TNFSF4: variants seen among roughly 807,000 people sequenced by gnomAD.
TNFSF4 encodes the protein TNF superfamily member 4, also known as tumor necrosis factor ligand superfamily member 4.
In TNFSF4, 4 loss-of-function variants were observed where a neutral mutation model predicts 7.3. The observed-to-expected ratio is 0.55, with a 90% confidence interval of 0.27 to 1.25. The LOEUF is 1.25. Among genes scored for constraint, TNFSF4 ranks in the 50% most tolerant of loss-of-function variants. The pLI, the probability that TNFSF4 is intolerant of heterozygous loss-of-function variation, is 0.12. For synonymous variants in TNFSF4, 76 were observed against 83.7 expected (o/e 0.91, Z 0.50); for missense variants, 181 against 208.8 (o/e 0.87, Z 0.82).
At chr1:173,369,547 G>GA in the TNFSF4 span, among the ~76,000 whole-genome samples, 5 of 151,524 alleles carry the variant, frequency 3.3e-5, no homozygotes, top group South Asian at 2.1e-4. Context: ...TGGGTGGGAG[G>GA]AAAAAAAACA....
chr1:173,181,211 T>C (rs11807031), downstream of TNFSF4, among the ~76,000 whole-genome samples: 27,909 of 152,166 alleles, frequency 0.18, 2,732 homozygotes, highest in Middle Eastern at 0.26. Flanking sequence ...TGAAATGACC[T>C]TTAGAGATTA....
intron 1 of TNFSF4, among the ~76,000 whole-genome samples, chr1:173,205,933 T>C (rs1463379119): frequency 6.6e-6 from 1 of 152,228 alleles, no homozygotes; most frequent in Non-Finnish European, 1.5e-5. Context: ...AAGCACTGTC[T>C]GTGGTACAGT....
In TNFSF4 at chr1:173,186,869, G is replaced by T. The variant is rs372347723; in HGVS notation, c.203-4C>A. 6.5e-7 allele frequency: 1 copy of T among 1,549,088 alleles called. No individual in the cohort carries two copies. Among genetic ancestry groups the T allele is most frequent in the South Asian group, 1.2e-5 (1 of 80,934 alleles). ...AAACCTTTCTCCTTCTTATATTCTAGGGAGGATAGGGGAAAATTTGTTTAA... is the reference window on the plus strand; with the variant it reads ...AAACCTTTCTCCTTCTTATATTCTATGGAGGATAGGGGAAAATTTGTTTAA... On this transcript the variant is annotated splice_polypyrimidine_tract_variant and splice_region_variant and intron_variant, in intron 2 of 2. Transcript: ENST00000281834.
At chr1:173,326,923 G>A in the TNFSF4 span, among the ~76,000 whole-genome samples, 7,490 of 152,228 alleles carry the variant, frequency 0.049, 590 homozygotes, top group African/African-American at 0.17. Context: ...AATCAGTATC[G>A]TGAAAATGGC....
the TNFSF4 span, among the ~76,000 whole-genome samples, chr1:173,358,468 A>G: frequency 6.6e-6 from 1 of 152,250 alleles, no homozygotes; most frequent in Non-Finnish European, 1.5e-5. Flanking sequence ...TGCTGCTGGG[A>G]GTATAAGTTA....
chr1:173,194,557 A>G (rs1458452907), intron 1 of TNFSF4, among the ~76,000 whole-genome samples: 1 of 152,118 alleles, frequency 6.6e-6, no homozygotes, highest in African/African-American at 2.4e-5. Context: ...TAGTTGGAAG[A>G]AAAGTCTAGA....
At chr1:173,272,232 A>C in the TNFSF4 span, among the ~76,000 whole-genome samples, 3 of 152,078 alleles carry the variant, frequency 2.0e-5, no homozygotes, top group Non-Finnish European at 4.4e-5. Flanking sequence ...ATTAGGAGAA[A>C]TACCTAATGT....
upstream of TNFSF4, among the ~76,000 whole-genome samples, chr1:173,212,136 T>C (rs1017844728): frequency 6.6e-6 from 1 of 152,062 alleles, no homozygotes; most frequent in Non-Finnish European, 1.5e-5. Flanking sequence ...AGGCTCTCTT[T>C]AACAACCAGC....
chr1:173,234,640 T>C, the TNFSF4 span, among the ~76,000 whole-genome samples: 4 of 152,212 alleles, frequency 2.6e-5, no homozygotes, highest in African/African-American at 7.2e-5. Flanking sequence ...TTAGTGTCCT[T>C]TGTAGGACAT....
At chr1:173,268,413 A>G in the TNFSF4 span, among the ~76,000 whole-genome samples, 1 of 152,144 alleles carries the variant, frequency 6.6e-6, no homozygotes, top group African/African-American at 2.4e-5. Context: ...TGAAATGGAA[A>G]TAGGGTTTCT....
At chr1:173,419,986 C>G in the TNFSF4 span, among the ~76,000 whole-genome samples, 2 of 152,090 alleles carry the variant, frequency 1.3e-5, no homozygotes, top group Non-Finnish European at 2.9e-5. Flanking sequence ...CACCTTTCCC[C>G]CGATTTTTAC....
chr1:173,251,384 C>T, the TNFSF4 span, among the ~76,000 whole-genome samples: 1 of 152,184 alleles, frequency 6.6e-6, no homozygotes, highest in Non-Finnish European at 1.5e-5. Context: ...TTGAATTAAT[C>T]TTTGAGCCCC....
chr1:173,335,063 AC>A, the TNFSF4 span, among the ~76,000 whole-genome samples: 1 of 152,152 alleles, frequency 6.6e-6, no homozygotes, highest in African/African-American at 2.4e-5. Flanking sequence ...ATTTATTGAT[AC>A]TAGCTCACTA....
chr1:173,248,488 G>GA, the TNFSF4 span, among the ~76,000 whole-genome samples: 3 of 147,532 alleles, frequency 2.0e-5, no homozygotes, highest in South Asian at 2.2e-4. Context: ...AGGAAGGAAG[G>GA]AAGGAAAGAA....
At chr1:173,446,117 T>C in the TNFSF4 span, among the ~76,000 whole-genome samples, 1 of 151,690 alleles carries the variant, frequency 6.6e-6, no homozygotes, top group Non-Finnish European at 1.5e-5. Context: ...GTACAGTCAA[T>C]AAATGCTACC....
chr1:173,242,886 G>A, the TNFSF4 span, among the ~76,000 whole-genome samples: 4 of 151,640 alleles, frequency 2.6e-5, no homozygotes, highest in Non-Finnish European at 5.9e-5. Flanking sequence ...ATAAATGTTT[G>A]TTGTTTAAAG....
At chr1:173,409,372 A>G in the TNFSF4 span, among the ~76,000 whole-genome samples, 1 of 152,214 alleles carries the variant, frequency 6.6e-6, no homozygotes, top group African/African-American at 2.4e-5. Flanking sequence ...TTAGTAATGT[A>G]TTAATGTTAT....
the TNFSF4 span, among the ~76,000 whole-genome samples, chr1:173,401,415 G>A: frequency 1.3e-5 from 2 of 152,190 alleles, no homozygotes; most frequent in African/African-American, 4.8e-5. Flanking sequence ...GAGTGTGTCT[G>A]TCAAGGTGTT....
the TNFSF4 span, among the ~76,000 whole-genome samples, chr1:173,444,105 T>C: frequency 2.0e-5 from 3 of 152,158 alleles, no homozygotes; most frequent in African/African-American, 7.2e-5. Context: ...CACCAGGAGA[T>C]TCCACTTCAA....
Sources: allele counts gnomAD v4.1 joint callset (sites outside exome capture counted in the v4.1 genomes callset), GRCh38; gene constraint gnomAD v4.1.1; transcripts MANE v1.5; gene names NCBI Gene and HGNC (gene_info 2026-07-23, HGNC 2026-07-21).